Variants in SCN3A observed in about 807,000 individuals in gnomAD.
SCN3A encodes sodium voltage-gated channel alpha subunit 3.
In SCN3A, 60 loss-of-function variants were observed where a neutral mutation model predicts 187.6. The ratio of observed to expected loss-of-function variants is 0.32; its 90% CI spans 0.26 to 0.40. SCN3A has a LOEUF of 0.40. SCN3A is among the 10% of genes least tolerant of loss of function. The pLI, the probability that SCN3A is intolerant of heterozygous loss-of-function variation, is 1.00. For synonymous variants in SCN3A, 788 were observed against 829.2 expected, an observed-to-expected ratio of 0.95 and a Z score of 0.85; for missense variants, 1,601 against 2,428.2, an observed-to-expected ratio of 0.66 and a Z score of 7.16.
intron 1 of SCN3A, among the ~76,000 whole-genome samples, chr2:165,202,854 G>A (rs1329754640): frequency 6.6e-6 from 1 of 151,828 alleles, no homozygotes; most frequent in Non-Finnish European, 1.5e-5. Context: ...TACCTGTTGT[G>A]TATTTTAAAA....
At chr2:165,170,314 A>C (rs529293336) in intron 4 of SCN3A, 116 bp downstream of exon 4, 58 of 698,174 alleles carry the variant, frequency 8.3e-5, no homozygotes, top group Non-Finnish European at 1.3e-4. Flanking sequence ...GAATTAAACT[A>C]ACAATGTTAC....
chr2:165,154,704 C>T (rs1688910056), intron 10 of SCN3A, 46 bp from the exon 11 acceptor site: 1 of 1,522,906 alleles, frequency 6.6e-7, no homozygotes, highest in East Asian at 2.3e-5. Context: ...AGTATAATGT[C>T]CCCAAATAAA....
At chr2:165,111,022 A>G (rs1686085971) in intron 21 of SCN3A, among the ~76,000 whole-genome samples, 1 of 152,210 alleles carries the variant, frequency 6.6e-6, no homozygotes, top group South Asian at 2.1e-4. Context: ...AGAATTTTCT[A>G]GAAAACTTCT....
chr2:165,120,704 T>C (rs547706271), intron 18 of SCN3A, among the ~76,000 whole-genome samples: 4 of 152,136 alleles, frequency 2.6e-5, no homozygotes, highest in Admixed American at 2.6e-4. Flanking sequence ...CATAACCATA[T>C]CTTGACTTAT....
At chr2:165,095,747 T>G in intron 24 of SCN3A, 99 bp from the exon 25 acceptor site, 1 of 687,336 alleles carries the variant, frequency 1.5e-6, no homozygotes, top group African/African-American at 1.8e-5. Context: ...ACAGTGCTAC[T>G]TTTGCCTTAC....
At chr2:165,111,113 T>C (rs1388461682) in intron 21 of SCN3A, among the ~76,000 whole-genome samples, 1 of 152,136 alleles carries the variant, frequency 6.6e-6, no homozygotes, top group Non-Finnish European at 1.5e-5. Flanking sequence ...GGTGGGTGGA[T>C]CACCTGAGGT....
rs1685329040 is a variant in SCN3A, at chr2:165,095,633, C to T, written c.4309G>A (p.Val1437Ile). Reference protein sequence around the residue: ...VDSRDVKLQPVYEENLYMYLY... With the variant: ...VDSRDVKLQPIYEENLYMYLY... ...TACATGTACAGATTTTCTTCATATACAGGCTGAAGTTTAACCTAAATGATA... is the reference window on the plus strand; with the variant it reads ...TACATGTACAGATTTTCTTCATATATAGGCTGAAGTTTAACCTAAATGATA... The change falls in exon 25 of 28, where the codon GTA (valine) becomes ATA (isoleucine). Residue 1437 changes from valine (V) to isoleucine (I), a missense_variant. Transcript: ENST00000283254. 6.9e-7 allele frequency: 1 copy of T among 1,446,802 alleles called. No individual in the cohort carries two copies. The highest frequency in any genetic ancestry group is 1.4e-5 in the African/African-American group (1 of 71,504). 89.6% of individuals were successfully genotyped at this position (1,446,802 alleles called of 1,614,324 possible).
At chr2:165,111,106 G>T (rs1686091621) in intron 21 of SCN3A, among the ~76,000 whole-genome samples, 1 of 152,148 alleles carries the variant, frequency 6.6e-6, no homozygotes, top group Non-Finnish European at 1.5e-5. Flanking sequence ...AGGCCAAGGT[G>T]GGTGGATCAC....
chr2:165,168,901 T>C, intron 4 of SCN3A, 76 bp from the exon 5 acceptor site: 9 of 962,932 alleles, frequency 9.3e-6, no homozygotes, highest in Non-Finnish European at 1.5e-5. Flanking sequence ...CACAAAAAAG[T>C]TTATCGATGC....
intron 1 of SCN3A, among the ~76,000 whole-genome samples, chr2:165,188,343 G>A (rs1186607011): frequency 1.3e-5 from 2 of 152,010 alleles, no homozygotes; most frequent in Non-Finnish European, 2.9e-5. Context: ...TCCTGCATGT[G>A]GATTAATACT....
intron 11 of SCN3A, among the ~76,000 whole-genome samples, chr2:165,151,694 G>A (rs1218600839): frequency 6.6e-6 from 1 of 152,178 alleles, no homozygotes; most frequent in African/African-American, 2.4e-5. Flanking sequence ...CAGGGTGGTT[G>A]TATAGTTCAC....
chr2:165,181,429 A>G (rs532039691), intron 2 of SCN3A, among the ~76,000 whole-genome samples: 3 of 152,352 alleles, frequency 2.0e-5, no homozygotes, highest in African/African-American at 4.8e-5. Context: ...GCACATTGTT[A>G]TGAAGGTCTT....
At chr2:165,127,329 G>A (rs1269596687) in intron 18 of SCN3A, among the ~76,000 whole-genome samples, 1 of 152,036 alleles carries the variant, frequency 6.6e-6, no homozygotes, top group African/African-American at 2.4e-5. Context: ...CCAAAGTGCT[G>A]GGATTACAGG....
intron 10 of SCN3A, 31 bp downstream of exon 10, chr2:165,155,727 AAAAT>A: frequency 6.2e-7 from 1 of 1,612,104 alleles, no homozygotes; most frequent in Non-Finnish European, 8.5e-7. Context: ...CATGTCTATA[AAAAT>A]AAATGTTATG....
intron 2 of SCN3A, among the ~76,000 whole-genome samples, chr2:165,183,208 G>A (rs2165179): frequency 0.11 from 16,656 of 152,150 alleles, 1,727 homozygotes; most frequent in East Asian, 0.48. Flanking sequence ...ACATACTTGG[G>A]ATTTAACAAT....
intron 21 of SCN3A, among the ~76,000 whole-genome samples, chr2:165,110,179 T>C: frequency 6.6e-6 from 1 of 152,226 alleles, no homozygotes; most frequent in South Asian, 2.1e-4. Flanking sequence ...ATTTTACTTG[T>C]TTACACGTTT....
chr2:165,154,423 G>T, intron 11 of SCN3A, 29 bp downstream of exon 11: 2 of 1,605,374 alleles, frequency 1.2e-6, no homozygotes, highest in South Asian at 1.1e-5. Flanking sequence ...TAATAATAAT[G>T]ATAAATCTTT....
intron 6 of SCN3A, 170 bp from the exon 7 acceptor site, chr2:165,163,879 A>G (rs1689569905): frequency 9.9e-6 from 16 of 1,613,704 alleles, no homozygotes; most frequent in Non-Finnish European, 1.4e-5. Flanking sequence ...TAGGCTTACA[A>G]ATTCTGTTAC....
chr2:165,187,357 A>G (rs1221383956), intron 1 of SCN3A, among the ~76,000 whole-genome samples: 2 of 152,224 alleles, frequency 1.3e-5, no homozygotes, highest in Non-Finnish European at 2.9e-5. Flanking sequence ...TCTTTCCGCT[A>G]TAACCAACAG....
Sources: allele counts gnomAD v4.1 joint callset (sites outside exome capture counted in the v4.1 genomes callset), GRCh38; gene constraint gnomAD v4.1.1; transcripts MANE v1.5; gene names NCBI Gene and HGNC (gene_info 2026-07-23, HGNC 2026-07-21).